The following ARID2 variants were observed in gnomAD, a reference collection of about 807,000 sequenced individuals.
ARID2 encodes AT-rich interactive domain-containing protein 2.
ARID2 carries 32 observed loss-of-function variants against 184.6 expected under a neutral mutation model. That is an observed-to-expected ratio of 0.17 (90% CI 0.13 to 0.23). ARID2 has a LOEUF of 0.23. Ranked by LOEUF, ARID2 falls within the 10% of genes least tolerant of loss-of-function variation. The probability of loss-of-function intolerance (pLI) is 1.00; values close to 1 mark genes in which losing one functional copy is unlikely to be tolerated. For synonymous variants in ARID2, 836 were observed against 772.6 expected, an observed-to-expected ratio of 1.08 and a Z score of -1.36; for missense variants, 1,696 against 2,197.6, an observed-to-expected ratio of 0.77 and a Z score of 4.56.
At chr12:45,768,791 T>A (rs1941817467) in intron 3 of ARID2, among the ~76,000 whole-genome samples, 1 of 152,190 alleles carries the variant, frequency 6.6e-6, no homozygotes. Flanking sequence ...AACCCAGATT[T>A]GTTTTGATTG....
chr12:45,811,379 C>G (rs747901002), intron 3 of ARID2, 39 bp from the exon 4 acceptor site: 1 of 1,569,800 alleles, frequency 6.4e-7, no homozygotes, highest in East Asian at 2.3e-5. Context: ...AGATATAAAT[C>G]TATTTTTAAA....
intron 3 of ARID2, among the ~76,000 whole-genome samples, chr12:45,787,342 TATGTAGCTGGGACTGCAAGCA>T (rs1490091237): frequency 6.6e-6 from 1 of 151,748 alleles, no homozygotes; most frequent in Non-Finnish European, 1.5e-5. Context: ...CTCAGCCTCC[TATGTAGCTGGGACTGCAAGCA>T]TGCACCAATA....
chr12:45,730,357 G>A (rs1440662000), intron 2 of ARID2, among the ~76,000 whole-genome samples: 1 of 146,108 alleles, frequency 6.8e-6, no homozygotes, highest in African/African-American at 2.5e-5. Context: ...GCGGGCGGGC[G>A]GCCCGGCGCC....
rs570774880 is a variant in ARID2, at chr12:45,753,696, C to T, written c.284+22382C>T. On this transcript the variant is annotated intron_variant, in intron 3 of 20. Coordinates refer to ENST00000334344, the MANE Select transcript of ARID2 (RefSeq NM_152641.4). ...CGTCTCACTGCAACCTTTGGTCAAG[C>T]GATCCTCCCACCTCAGCCTCCCGAA... 5.9e-5 allele frequency among the ~76,000 whole-genome samples: 9 copies of T among 152,164 alleles called. 1 individual carries two copies. Among genetic ancestry groups the T allele is most frequent in the African/African-American group, 1.4e-4 (6 of 41,508 alleles).
chr12:45,762,554 A>G (rs1172679323), intron 3 of ARID2, among the ~76,000 whole-genome samples: 2 of 152,188 alleles, frequency 1.3e-5, no homozygotes, highest in African/African-American at 4.8e-5. Context: ...CAGTGAGTAG[A>G]CTCTGGCTTT....
intron 3 of ARID2, among the ~76,000 whole-genome samples, chr12:45,792,517 A>G (rs935435914): frequency 6.6e-6 from 1 of 152,238 alleles, no homozygotes; most frequent in East Asian, 1.9e-4. Flanking sequence ...AGTGCTTTGT[A>G]TACAGTATGT....
At chr12:45,838,159 A>T (rs1943254871) in intron 10 of ARID2, among the ~76,000 whole-genome samples, 1 of 152,214 alleles carries the variant, frequency 6.6e-6, no homozygotes, top group African/African-American at 2.4e-5. Flanking sequence ...ACTACTGTTA[A>T]ACAATTAAAG....
intron 6 of ARID2, among the ~76,000 whole-genome samples, chr12:45,824,505 C>A (rs1175917552): frequency 6.6e-6 from 1 of 151,612 alleles, no homozygotes; most frequent in Non-Finnish European, 1.5e-5. Context: ...TTACAAATGG[C>A]CAAAATATAT....
intron 3 of ARID2, among the ~76,000 whole-genome samples, chr12:45,802,979 G>A (rs1203323388): frequency 1.3e-5 from 2 of 150,726 alleles, no homozygotes; most frequent in South Asian, 2.1e-4. Context: ...TTCTTTTCCC[G>A]CTATCCTCTC....
At chr12:45,893,059 C>T (rs1038136636) in intron 18 of ARID2, among the ~76,000 whole-genome samples, 8 of 152,108 alleles carry the variant, frequency 5.3e-5, no homozygotes, top group African/African-American at 1.9e-4. Flanking sequence ...GACTTTTCTT[C>T]TTTGTTAAAA....
intron 6 of ARID2, among the ~76,000 whole-genome samples, chr12:45,833,142 C>A (rs1045653397): frequency 2.6e-5 from 4 of 152,010 alleles, no homozygotes; most frequent in Middle Eastern, 3.2e-3. Flanking sequence ...TGTATATTTT[C>A]TTTATTTGCA....
chr12:45,830,987 G>C (rs1221600000), intron 6 of ARID2, among the ~76,000 whole-genome samples: 1 of 151,612 alleles, frequency 6.6e-6, no homozygotes, highest in Non-Finnish European at 1.5e-5. Flanking sequence ...GAGCCCAGGA[G>C]GCAGAGGTTG....
chr12:45,748,424 C>T (rs1375870179), intron 3 of ARID2, among the ~76,000 whole-genome samples: 1 of 152,114 alleles, frequency 6.6e-6, no homozygotes, highest in Non-Finnish European at 1.5e-5. Context: ...TACTTTATTG[C>T]TGAAAAGTGC....
chr12:45,878,461 A>G (rs1476439133), intron 16 of ARID2, among the ~76,000 whole-genome samples: 2 of 152,008 alleles, frequency 1.3e-5, no homozygotes, highest in African/African-American at 2.4e-5. Context: ...TCCTGTTGAC[A>G]TATCTTACTT....
At chr12:45,793,690 T>TAC (rs150302042) in intron 3 of ARID2, among the ~76,000 whole-genome samples, 31 of 151,006 alleles carry the variant, frequency 2.1e-4, no homozygotes, top group East Asian at 1.7e-3. Context: ...TATTTATATA[T>TAC]ACACACACAC....
At chr12:45,882,341 C>T (rs1479376762) in intron 16 of ARID2, 1 of 152,170 alleles carries the variant, frequency 6.6e-6, no homozygotes, top group Non-Finnish European at 1.5e-5. Context: ...CGGAATAAGA[C>T]TTTTGTACCG....
chr12:45,866,121 G>A (rs565806497), intron 16 of ARID2, among the ~76,000 whole-genome samples: 1 of 151,670 alleles, frequency 6.6e-6, no homozygotes, highest in Non-Finnish European at 1.5e-5. Flanking sequence ...TCTAGAGCTT[G>A]CTTCAATAAT....
chr12:45,750,716 TTTA>T (rs1338188914), intron 3 of ARID2, among the ~76,000 whole-genome samples: 1 of 152,226 alleles, frequency 6.6e-6, no homozygotes, highest in Non-Finnish European at 1.5e-5. Flanking sequence ...GTTGGGAATG[TTTA>T]TTATTATAAT....
chr12:45,874,507 C>T (rs947974218), intron 16 of ARID2, among the ~76,000 whole-genome samples: 48 of 152,336 alleles, frequency 3.2e-4, no homozygotes, highest in African/African-American at 1.1e-3. Flanking sequence ...AGAAGCAACT[C>T]CTCATCCATT....
Sources: allele counts gnomAD v4.1 joint callset (sites outside exome capture counted in the v4.1 genomes callset), GRCh38; gene constraint gnomAD v4.1.1; transcripts MANE v1.5; gene names NCBI Gene and HGNC (gene_info 2026-07-23, HGNC 2026-07-21).